APBA2: variants seen among roughly 807,000 people sequenced by gnomAD.
APBA2 encodes amyloid beta precursor protein binding family A member 2, also known as amyloid-beta A4 precursor protein-binding family A member 2.
In APBA2, 30 loss-of-function variants were observed where a neutral mutation model predicts 75.0. The ratio of observed to expected loss-of-function variants is 0.40; its 90% CI spans 0.30 to 0.54. The LOEUF (loss-of-function observed/expected upper bound fraction) is 0.54, where lower values mean the gene tolerates loss of function less well. Ranked by LOEUF, APBA2 falls within the 20% of genes least tolerant of loss-of-function variation. The pLI is 0.49. For missense variants in APBA2, 801 were observed against 1,016.1 expected (o/e 0.79, Z 2.88); for synonymous variants, 444 against 409.6 (o/e 1.08, Z -1.01).
At chr15:29,114,918 C>G (rs2044989851) in intron 14 of APBA2, among the ~76,000 whole-genome samples, 2 of 133,864 alleles carry the variant, frequency 1.5e-5, no homozygotes, top group Admixed American at 6.8e-5. Flanking sequence ...GGGTGTCAAG[C>G]ATGAGTGTGT....
Position 28,918,667 on chromosome 15 carries a change from A to G in APBA2, c.-204-2973A>G, listed in dbSNP as rs2033806320. On this transcript the variant is annotated intron_variant, in intron 1 of 14. Coordinates refer to ENST00000683413, the MANE Select transcript of APBA2 (RefSeq NM_001353788.2). This position sits in a 1 kb window ranked among gnomAD's most constrained non-coding sequence, Gnocchi z 4.2. Reference sequence around the variant, plus strand: ...GCTGGGGGTGGTTGCAGCGGGGCCTATGCAGGATCCCGGTTGGAGGGGGCT... The same window carrying G: ...GCTGGGGGTGGTTGCAGCGGGGCCTGTGCAGGATCCCGGTTGGAGGGGGCT... 2.0e-5 allele frequency among the ~76,000 whole-genome samples: 3 copies of G among 151,890 alleles called. No homozygotes were observed.
intron 6 of APBA2, among the ~76,000 whole-genome samples, chr15:29,088,265 C>G (rs553461501): frequency 6.6e-6 from 1 of 152,192 alleles, no homozygotes; most frequent in Non-Finnish European, 1.5e-5. Context: ...CATCCTGCCC[C>G]CTTGCCCATG....
At chr15:28,911,333 G>A (rs1237626173) in intron 1 of APBA2, among the ~76,000 whole-genome samples, 1 of 152,102 alleles carries the variant, frequency 6.6e-6, no homozygotes, top group African/African-American at 2.4e-5. Context: ...AAGAAAACTC[G>A]GCTACCAACC....
chr15:29,009,200 G>A (rs565749243), intron 3 of APBA2, among the ~76,000 whole-genome samples: 4 of 152,192 alleles, frequency 2.6e-5, no homozygotes, highest in African/African-American at 7.2e-5. Flanking sequence ...CTAAAAAGAC[G>A]AGCCCCTGCC....
rs200259230 is a variant in APBA2, at chr15:28,993,360, T to C, written c.-94-2393T>C. ...GGACACTCCTGCATGGAAACGAAAATGAATATTTTTCTCTGCAGAAAATGA... is the reference window on the plus strand; with the variant it reads ...GGACACTCCTGCATGGAAACGAAAACGAATATTTTTCTCTGCAGAAAATGA... On this transcript the variant is annotated intron_variant, in intron 2 of 14. Coordinates refer to ENST00000683413, the MANE Select transcript of APBA2 (RefSeq NM_001353788.2). 3.3e-5 allele frequency among the ~76,000 whole-genome samples: 5 copies of C among 152,186 alleles called. No homozygotes were observed. In the East Asian group the frequency reaches 7.7e-4, roughly 24 times the overall value.
At chr15:28,888,552 G>A (rs1158246879) in intron 1 of APBA2, among the ~76,000 whole-genome samples, 1 of 152,166 alleles carries the variant, frequency 6.6e-6, no homozygotes, top group Non-Finnish European at 1.5e-5. Context: ...AACAGGTGTG[G>A]GCCTCAGGTG....
chr15:29,036,713 T>C (rs2040771479), intron 3 of APBA2, among the ~76,000 whole-genome samples: 1 of 152,118 alleles, frequency 6.6e-6, no homozygotes, highest in African/African-American at 2.4e-5. Context: ...GTGGTAACAT[T>C]TGTTTAGGAG....
chr15:29,007,840 G>C (rs1452662906), intron 3 of APBA2, among the ~76,000 whole-genome samples: 1 of 152,174 alleles, frequency 6.6e-6, no homozygotes, highest in Non-Finnish European at 1.5e-5. Flanking sequence ...ATTGAAAATA[G>C]AATTGCCGTG....
chr15:28,941,746 G>A (rs1340151054), intron 2 of APBA2, among the ~76,000 whole-genome samples: 1 of 152,106 alleles, frequency 6.6e-6, no homozygotes. Context: ...TAGCCGTTTT[G>A]TTTGTTTATT....
chr15:28,997,531 G>A (rs1279063779), intron 3 of APBA2, among the ~76,000 whole-genome samples: 1 of 152,178 alleles, frequency 6.6e-6, no homozygotes, highest in East Asian at 1.9e-4. Flanking sequence ...GCTTATGAAG[G>A]GAGATGTTAC....
chr15:29,025,453 GA>G (rs2040168723), intron 3 of APBA2, among the ~76,000 whole-genome samples: 1 of 148,486 alleles, frequency 6.7e-6, no homozygotes, highest in African/African-American at 2.6e-5. Flanking sequence ...ATTTTTAGTA[GA>G]GACAGGTTTT....
intron 12 of APBA2, among the ~76,000 whole-genome samples, 173 bp from the exon 13 acceptor site, chr15:29,108,097 G>A (rs367911525): frequency 7.2e-5 from 11 of 151,986 alleles, no homozygotes; most frequent in Non-Finnish European, 8.8e-5. Context: ...GGGCCAGGGC[G>A]AGGCTTGTCC....
At chr15:29,052,454 C>CAAAAAAAG (rs1368122229) in intron 3 of APBA2, among the ~76,000 whole-genome samples, 1 of 103,192 alleles carries the variant, frequency 9.7e-6, no homozygotes, top group African/African-American at 5.2e-5. Context: ...GACTCCATCT[C>CAAAAAAAG]AAAAAAAAAA....
At chr15:28,935,929 A>C (rs74868029) in intron 2 of APBA2, among the ~76,000 whole-genome samples, 3,308 of 152,356 alleles carry the variant, frequency 0.022, 122 homozygotes, top group East Asian at 0.15. Flanking sequence ...AGAAAGCCCT[A>C]TTCCCACACC....
At chr15:28,961,778 C>T (rs2036486293) in intron 2 of APBA2, among the ~76,000 whole-genome samples, 1 of 152,170 alleles carries the variant, frequency 6.6e-6, no homozygotes, top group African/African-American at 2.4e-5. Context: ...GGACAGGTGC[C>T]TGGGCTCCAC....
intron 6 of APBA2, among the ~76,000 whole-genome samples, chr15:29,085,524 C>CAAAAA (rs777850421): frequency 1.8e-5 from 1 of 57,142 alleles, no homozygotes; most frequent in African/African-American, 4.9e-5. Flanking sequence ...GACTCCATCT[C>CAAAAA]AAAAAAAAAA....
intron 12 of APBA2, among the ~76,000 whole-genome samples, chr15:29,107,485 T>C (rs950629864): frequency 1.3e-5 from 2 of 152,118 alleles, no homozygotes; most frequent in African/African-American, 2.4e-5. Context: ...CCTGCTGTGG[T>C]CTTGGTGCTG....
At chr15:28,960,577 G>A (rs1316640002) in intron 2 of APBA2, among the ~76,000 whole-genome samples, 1 of 152,040 alleles carries the variant, frequency 6.6e-6, no homozygotes, top group East Asian at 1.9e-4. Flanking sequence ...TCTGCGGGGG[G>A]CAGATGGACT....
intron 2 of APBA2, among the ~76,000 whole-genome samples, chr15:28,960,094 G>C (rs979198964): frequency 6.8e-6 from 1 of 147,804 alleles, no homozygotes; most frequent in Non-Finnish European, 1.5e-5. Flanking sequence ...ACAGTGAGCT[G>C]AGATTGCACC....
Sources: gnomAD v4.1 joint callset for allele counts (sites outside exome capture counted in the v4.1 genomes callset) on GRCh38, gnomAD v4.1.1 for gene constraint, Gnocchi (gnomAD v3.1) non-coding constraint, MANE v1.5 for transcripts, NCBI Gene and HGNC (gene_info 2026-07-23, HGNC 2026-07-21) for gene names.